The following TBC1D12 variants were observed in gnomAD, a reference collection of about 807,000 sequenced individuals.
The protein encoded by TBC1D12 is TBC1 domain family member 12.
A neutral mutation model predicts 86.7 loss-of-function variants in TBC1D12; 56 were observed. The ratio of observed to expected loss-of-function variants is 0.65; its 90% confidence interval spans 0.52 to 0.81. The LOEUF (loss-of-function observed/expected upper bound fraction) is 0.81. Among genes scored for constraint, TBC1D12 ranks in the 30% least tolerant of loss-of-function variants. The pLI is 0.00. For missense variants in TBC1D12, 1,023 were observed against 1,038.8 expected (o/e 0.98, Z 0.21); for synonymous variants, 421 against 411.7 (o/e 1.02, Z -0.27).
intron 3 of TBC1D12, among the ~76,000 whole-genome samples, chr10:94,478,257 G>A (rs1351569447): frequency 6.6e-6 from 1 of 152,082 alleles, no homozygotes; most frequent in Non-Finnish European, 1.5e-5. Context: ...GTGAAACCCT[G>A]TCTCAGAAAA....
At chr10:94,466,427 T>A (rs2055825629) in intron 2 of TBC1D12, among the ~76,000 whole-genome samples, 1 of 152,070 alleles carries the variant, frequency 6.6e-6, no homozygotes, top group South Asian at 2.1e-4. Context: ...TATATATATG[T>A]ATATATGTAT....
chr10:94,489,325 G>A (rs185448676), intron 3 of TBC1D12, among the ~76,000 whole-genome samples: 1 of 152,160 alleles, frequency 6.6e-6, no homozygotes, highest in Non-Finnish European at 1.5e-5. Context: ...CAGTCACTGT[G>A]TTGTTCCTCC....
At chr10:94,451,761 G>A (rs1237811934) in intron 2 of TBC1D12, among the ~76,000 whole-genome samples, 1 of 151,996 alleles carries the variant, frequency 6.6e-6, no homozygotes, top group Non-Finnish European at 1.5e-5. Flanking sequence ...TACTGGATGT[G>A]AAAACATATA....
chr10:94,465,877 C>CATGT (rs1307402947), intron 2 of TBC1D12, among the ~76,000 whole-genome samples: 1 of 150,328 alleles, frequency 6.7e-6, no homozygotes, highest in Non-Finnish European at 1.5e-5. Flanking sequence ...TATACACATA[C>CATGT]ATGTATGTAT....
chr10:94,442,173 C>A (rs2055393204), intron 2 of TBC1D12, among the ~76,000 whole-genome samples, 154 bp downstream of exon 2: 1 of 150,932 alleles, frequency 6.6e-6, no homozygotes, highest in Middle Eastern at 3.4e-3. Flanking sequence ...TTTATAGGGA[C>A]CTGCTAAATT....
chr10:94,485,042 C>T (rs1438569524), intron 3 of TBC1D12, among the ~76,000 whole-genome samples: 4 of 152,106 alleles, frequency 2.6e-5, no homozygotes, highest in Non-Finnish European at 5.9e-5. Context: ...ATCTCATCTG[C>T]AAGGATAATT....
chr10:94,474,151 G>A (rs546580096), intron 2 of TBC1D12, among the ~76,000 whole-genome samples: 1 of 152,220 alleles, frequency 6.6e-6, no homozygotes, highest in East Asian at 1.9e-4. Context: ...CTAACTGAAA[G>A]TTTAGGAAGT....
At chr10:94,507,053 G>A (rs2056468855) in intron 6 of TBC1D12, among the ~76,000 whole-genome samples, 1 of 152,120 alleles carries the variant, frequency 6.6e-6, no homozygotes, top group Non-Finnish European at 1.5e-5. Context: ...TGTACATTCT[G>A]TATGGATGAT....
intron 1 of TBC1D12, among the ~76,000 whole-genome samples, chr10:94,415,850 TC>T (rs2054992265): frequency 6.6e-6 from 1 of 152,196 alleles, no homozygotes; most frequent in Non-Finnish European, 1.5e-5. Flanking sequence ...TGTAATATAC[TC>T]CCAGAAGCAC....
At chr10:94,481,989 T>C (rs1402854899) in intron 3 of TBC1D12, among the ~76,000 whole-genome samples, 2 of 152,240 alleles carry the variant, frequency 1.3e-5, no homozygotes, top group African/African-American at 4.8e-5. Flanking sequence ...TTTTATTTTC[T>C]CGTTTTTCTT....
At chr10:94,414,313 C>T (rs750838801) in intron 1 of TBC1D12, among the ~76,000 whole-genome samples, 6 of 151,900 alleles carry the variant, frequency 3.9e-5, no homozygotes, top group Admixed American at 6.6e-5. Flanking sequence ...AAGTATAGTA[C>T]GAGAAACTAT....
In TBC1D12 at chr10:94,434,433, G is replaced by T. The variant is rs180919321; in HGVS notation, c.972-7463G>T. Among the ~76,000 whole-genome samples, 453 of 151,756 alleles carry T rather than the reference G, an allele frequency of 3.0e-3. 4 individuals are homozygous for T. The highest frequency in any genetic ancestry group is 0.01 in the African/African-American group (427 of 41,362). ...AGGCAGGAGAATTGCTTGAACCCGG[G>T]AGATGGAGGTTGCAGTGAGCCAAGA... On this transcript the variant is annotated intron_variant, in intron 1 of 12. Transcript: ENST00000225235.
At chr10:94,433,017 C>T (rs188976143) in intron 1 of TBC1D12, among the ~76,000 whole-genome samples, 2 of 151,940 alleles carry the variant, frequency 1.3e-5, no homozygotes, top group South Asian at 2.1e-4. Context: ...CCAGCCTGGC[C>T]GACATGGTAA....
chr10:94,424,872 G>C (rs1428828817), intron 1 of TBC1D12, among the ~76,000 whole-genome samples: 1 of 152,114 alleles, frequency 6.6e-6, no homozygotes, highest in Non-Finnish European at 1.5e-5. Flanking sequence ...AGGTCACTGT[G>C]GCATGTCTGC....
At chr10:94,506,677 T>C (rs1439177429) in intron 6 of TBC1D12, among the ~76,000 whole-genome samples, 1 of 152,180 alleles carries the variant, frequency 6.6e-6, no homozygotes, top group Admixed American at 6.5e-5. Context: ...GAGATTTTGT[T>C]TGTTGGTGAC....
chr10:94,412,855 C>G (rs983054365), intron 1 of TBC1D12, among the ~76,000 whole-genome samples: 2 of 152,144 alleles, frequency 1.3e-5, no homozygotes, highest in Non-Finnish European at 2.9e-5. Context: ...GTTGCTTGGA[C>G]CCTACTACAG....
At chr10:94,428,561 G>A (rs571146111) in intron 1 of TBC1D12, among the ~76,000 whole-genome samples, 27 of 152,066 alleles carry the variant, frequency 1.8e-4, no homozygotes, top group Non-Finnish European at 3.5e-4. Flanking sequence ...CAAAGTGCTG[G>A]AATTACAGGT....
chr10:94,412,203 G>A (rs556793309), intron 1 of TBC1D12, among the ~76,000 whole-genome samples: 2 of 152,138 alleles, frequency 1.3e-5, no homozygotes, highest in Admixed American at 1.3e-4. Context: ...ATTGCCATGA[G>A]GGTTAAATAA....
At chr10:94,425,450 A>G (rs1266074036) in intron 1 of TBC1D12, among the ~76,000 whole-genome samples, 1 of 152,214 alleles carries the variant, frequency 6.6e-6, no homozygotes. Context: ...GGGCATTGTG[A>G]AGGTTACATG....
Sources: allele counts gnomAD v4.1 joint callset (sites outside exome capture counted in the v4.1 genomes callset), GRCh38; gene constraint gnomAD v4.1.1; transcripts MANE v1.5; gene names NCBI Gene and HGNC (gene_info 2026-07-23, HGNC 2026-07-21).